Variants in P2RY8 observed in about 807,000 individuals in gnomAD.
P2RY8 encodes S-geranylgeranyl-glutathione receptor P2RY8.
P2RY8 carries 6 observed loss-of-function variants against 10.0 expected under a neutral mutation model. The ratio of observed to expected loss-of-function variants is 0.60; its 90% CI spans 0.33 to 1.19. The LOEUF (loss-of-function observed/expected upper bound fraction) is 1.19, where lower values mean the gene tolerates loss of function less well. Among genes scored for constraint, P2RY8 ranks in the 50% most tolerant of loss-of-function variants. The pLI, the probability that P2RY8 is intolerant of heterozygous loss-of-function variation, is 0.04. For missense variants in P2RY8, 456 were observed against 542.0 expected (o/e 0.84, Z 1.58); for synonymous variants, 276 against 252.5 (o/e 1.09, Z -0.88).
intron 1 of P2RY8, among the ~76,000 whole-genome samples, chrX:1,483,960 ATCCCCTAAACCCAAAGCTGGGT>A (rs1569536985): frequency 2.7e-5 from 4 of 148,282 alleles, no homozygotes; most frequent in South Asian, 2.1e-4. Flanking sequence ...CAAAGCTGGG[ATCCCCTAAACCCAAAGCTGGGT>A]TCCCCTAAAC....
At chrX:1,524,392 T>C (rs1225594394) in intron 1 of P2RY8, among the ~76,000 whole-genome samples, 1 of 137,028 alleles carries the variant, frequency 7.3e-6, no homozygotes, top group Non-Finnish European at 1.6e-5. Flanking sequence ...CATCCATCCA[T>C]CCCTCCATCC....
intron 1 of P2RY8, among the ~76,000 whole-genome samples, chrX:1,508,043 A>G (rs1285442814): frequency 6.6e-6 from 1 of 151,910 alleles, no homozygotes; most frequent in Non-Finnish European, 1.5e-5. Context: ...ATGACCTCTC[A>G]TCACGATGCC....
chrX:1,465,615 C>G lies in P2RY8; in HGVS notation c.944G>C (p.Arg315Thr), dbSNP rs746637287. ...REYLGCRRVPRDTLDTRRESL... is the reference protein window; with the variant it reads ...REYLGCRRVPTDTLDTRRESL... The stretch of plus-strand genomic sequence containing the variant: ...CTCGCGGCGCGTGTCCAGGGTGTCT[C>G]TGGGCACCCGGCGGCAGCCCAAATA... Residue 315 changes from arginine to threonine, a missense_variant, in exon 2 of 2, where the codon AGA becomes ACA. Arg to Thr is a moderately conservative substitution (Grantham distance 71). Coordinates refer to ENST00000381297, the MANE Select transcript of P2RY8 (RefSeq NM_178129.5). 4.5e-5 allele frequency: 73 copies of G among 1,613,206 alleles called. No individual in the cohort carries two copies. Among genetic ancestry groups the G allele is most frequent in the Middle Eastern group, 3.3e-4 (2 of 6,056 alleles).
Position 1,465,941 on chromosome X carries a change from G to A in P2RY8, c.618C>T (p.Phe206=), listed in dbSNP as rs1375126755. ...CCGTGTAACAAGCCACGGTGATCAC[G>A]AACGGGATGAGGAACAGCAGGATGA... ...TIFILLFLIP[F]VITVACYTAT... The change falls in exon 2 of 2, where the codon TTC becomes TTT. Residue 206 remains phenylalanine (F), a synonymous_variant. Coordinates refer to ENST00000381297, the MANE Select transcript of P2RY8 (RefSeq NM_178129.5). 1.2e-6 allele frequency: 2 copies of A among 1,612,378 alleles called. No homozygotes were observed. The highest frequency in any genetic ancestry group is 2.7e-5 in the African/African-American group (2 of 74,906).
At chrX:1,502,579 G>A (rs2092191146) in intron 1 of P2RY8, among the ~76,000 whole-genome samples, 1 of 152,192 alleles carries the variant, frequency 6.6e-6, no homozygotes, top group Non-Finnish European at 1.5e-5. Context: ...CCAGATCGAG[G>A]GCCTCCCATG....
At chrX:1,489,635 C>T (rs1279629594) in intron 1 of P2RY8, among the ~76,000 whole-genome samples, 1 of 150,124 alleles carries the variant, frequency 6.7e-6, no homozygotes, top group East Asian at 1.9e-4. Context: ...TCCAGGGCTT[C>T]CCTGCAAATG....
intron 1 of P2RY8, among the ~76,000 whole-genome samples, chrX:1,498,466 A>G (rs1448037358): frequency 6.6e-6 from 1 of 151,166 alleles, no homozygotes; most frequent in Non-Finnish European, 1.5e-5. Flanking sequence ...CATCTTGGTT[A>G]CAGCCCACAA....
chrX:1,471,308 C>CTTTTTT lies in P2RY8; in HGVS notation c.-24-4727_-24-4726insAAAAAA, dbSNP rs1569536548. Among the ~76,000 whole-genome samples the CTTTTTT allele has an allele frequency of 1.5e-3, 105 of 71,106 alleles. 16 individuals carry two copies. The highest frequency in any genetic ancestry group is 4.3e-3 in the African/African-American group (82 of 19,284). The allele number at this position is 71,106 out of a possible 152,430, so 46.6% of individuals were successfully genotyped here. ...CAGACGTGAGCCACCGCGCCCAGCC[C>CTTTTTT]ATTTTTTTTTTTTTTTTTTTTTTGT... is the stretch of plus-strand genomic sequence containing the variant. On this transcript the variant is annotated intron_variant, in intron 1 of 1. Coordinates refer to ENST00000381297, the MANE Select transcript of P2RY8 (RefSeq NM_178129.5).
intron 1 of P2RY8, among the ~76,000 whole-genome samples, chrX:1,517,241 G>C (rs1331220141): frequency 6.6e-6 from 1 of 151,974 alleles, no homozygotes; most frequent in South Asian, 2.1e-4. Flanking sequence ...GAGGAGATGA[G>C]GGCACAGACA....
At chrX:1,504,228 A>C (rs1468855144) in intron 1 of P2RY8, among the ~76,000 whole-genome samples, 3 of 151,842 alleles carry the variant, frequency 2.0e-5, no homozygotes, top group Non-Finnish European at 1.5e-5. Context: ...AGGCAGGAGA[A>C]TCGCTGGAAC....
At chrX:1,506,823 A>G (rs5948815) in intron 1 of P2RY8, among the ~76,000 whole-genome samples, 134,338 of 151,340 alleles carry the variant, frequency 0.89, 60,156 homozygotes, top group South Asian at 0.97. Context: ...GATTACAGGC[A>G]CCCGCCACCA....
intron 1 of P2RY8, among the ~76,000 whole-genome samples, chrX:1,498,347 A>T (rs757328336): frequency 7.2e-6 from 1 of 139,418 alleles, no homozygotes; most frequent in Admixed American, 7.6e-5. Flanking sequence ...CGGAGCTTGC[A>T]GTGAGCCGAG....
chrX:1,527,052 C>A (rs1251523578), intron 1 of P2RY8, among the ~76,000 whole-genome samples: 1 of 152,118 alleles, frequency 6.6e-6, no homozygotes, highest in Non-Finnish European at 1.5e-5. Flanking sequence ...CACTACCACG[C>A]CTGGCTAATT....
chrX:1,525,139 C>A (rs1345005642), intron 1 of P2RY8, among the ~76,000 whole-genome samples: 1 of 152,220 alleles, frequency 6.6e-6, no homozygotes, highest in Non-Finnish European at 1.5e-5. Context: ...AATAAATCCT[C>A]TCTCCTCCTC....
At chrX:1,495,827 T>C (rs1173442186) in intron 1 of P2RY8, among the ~76,000 whole-genome samples, 3 of 122,342 alleles carry the variant, frequency 2.5e-5, no homozygotes, top group Non-Finnish European at 5.6e-5. Flanking sequence ...GTCTGTTGTG[T>C]ATAAGCCCCC....
At position 1,465,957 on chromosome X, in the gene P2RY8, A is replaced by G. The variant is rs2091666998; in HGVS notation, c.602T>C (p.Leu201Pro). 6.2e-7 allele frequency: 1 copy of G among 1,612,346 alleles called. No individual in the cohort carries two copies. Among genetic ancestry groups the G allele is most frequent in the Admixed American group, 1.7e-5 (1 of 60,002 alleles). ...GGTGATCACGAACGGGATGAGGAACAGCAGGATGAAGATGGTGAAGAGGAA... is the reference window on the plus strand; with the variant it reads ...GGTGATCACGAACGGGATGAGGAACGGCAGGATGAAGATGGTGAAGAGGAA... ...AVFLFTIFIL[L>P]FLIPFVITVA... is the part of the protein sequence containing the mutation. Residue 201 changes from leucine to proline, a missense_variant, in exon 2 of 2, where the codon CTG becomes CCG. Physicochemically the swap from Leu to Pro is moderately conservative, Grantham distance 98. Coordinates refer to ENST00000381297, the MANE Select transcript of P2RY8 (RefSeq NM_178129.5).
rs773406433 is a variant in P2RY8, at chrX:1,487,783, T to A, written c.-24-21201A>T. Among the ~76,000 whole-genome samples, 22 of 152,204 alleles carry A rather than the reference T, an allele frequency of 1.4e-4. No individual in the cohort carries two copies. In the South Asian group the frequency reaches 4.4e-3, roughly 30 times the overall value. ...GGCAGGTGCATTTGCACCTGCTCTT[T>A]GCAGGGGTTGGGGACAAGTCAGAAT... On this transcript the variant is annotated intron_variant, in intron 1 of 1. Coordinates refer to ENST00000381297, the MANE Select transcript of P2RY8 (RefSeq NM_178129.5).
In P2RY8 at chrX:1,482,480, G is replaced by A. The variant is rs780473341; in HGVS notation, c.-24-15898C>T. 2.1e-4 allele frequency among the ~76,000 whole-genome samples: 32 copies of A among 152,166 alleles called. No individual in the cohort carries two copies. In the South Asian group the frequency reaches 6.4e-3, roughly 31 times the overall value. On this transcript the variant is annotated intron_variant, in intron 1 of 1. Coordinates refer to ENST00000381297, the MANE Select transcript of P2RY8 (RefSeq NM_178129.5). ...CAGATGAGAGAGAGGTGACAGGAAG[G>A]TTCGCAGGCTTGACTTCCTAACAGC... is the stretch of plus-strand genomic sequence containing the variant.
chrX:1,470,940 A>G (rs1421194197), intron 1 of P2RY8, among the ~76,000 whole-genome samples: 45 of 150,458 alleles, frequency 3.0e-4, no homozygotes, highest in Admixed American at 3.3e-4. Context: ...GGGTTCAAGC[A>G]ATTCTCCTGC....
Sources: allele counts gnomAD v4.1 joint callset (sites outside exome capture counted in the v4.1 genomes callset), GRCh38; gene constraint gnomAD v4.1.1; transcripts MANE v1.5; gene names NCBI Gene and HGNC (gene_info 2026-07-23, HGNC 2026-07-21).